The following ITGAL variants were observed in gnomAD, a reference collection of about 807,000 sequenced individuals.
The protein encoded by ITGAL is integrin subunit alpha L, also known as integrin alpha-L.
ITGAL carries 68 observed loss-of-function variants against 138.4 expected under a neutral mutation model. The ratio of observed to expected loss-of-function variants is 0.49; its 90% CI spans 0.40 to 0.60. The LOEUF is 0.60. ITGAL is among the 20% of genes least tolerant of loss of function. The pLI is 0.00. For missense variants in ITGAL, 1,256 were observed against 1,478.6 expected, an observed-to-expected ratio of 0.85 and a Z score of 2.47; for synonymous variants, 561 against 584.3, an observed-to-expected ratio of 0.96 and a Z score of 0.57.
chr16:30,513,875 T>A, intron 25 of ITGAL, 29 bp downstream of exon 25: 1 of 1,502,880 alleles, frequency 6.7e-7, no homozygotes, highest in Non-Finnish European at 9.3e-7. Context: ...AAGGTCCTTA[T>A]AGGTCACACA....
intron 17 of ITGAL, 59 bp from the exon 18 acceptor site, chr16:30,504,116 A>G (rs1289251278): frequency 7.8e-7 from 1 of 1,275,130 alleles, no homozygotes; most frequent in Non-Finnish European, 1.1e-6. Flanking sequence ...GTATACATCT[A>G]ATCGGAAGTG....
chr16:30,502,049 G>A (rs1213333489), intron 17 of ITGAL, among the ~76,000 whole-genome samples: 1 of 151,430 alleles, frequency 6.6e-6, no homozygotes, highest in Non-Finnish European at 1.5e-5. Flanking sequence ...AATAAAGTTT[G>A]AACAACTGTT....
chr16:30,490,909 AC>A (rs2030349781), intron 11 of ITGAL, among the ~76,000 whole-genome samples: 1 of 149,048 alleles, frequency 6.7e-6, no homozygotes, highest in Non-Finnish European at 1.5e-5. Flanking sequence ...GGCGGAAGTT[AC>A]AGTGAGCCGA....
rs775904085 is a variant in ITGAL, at chr16:30,494,550, C to T, written c.1366-163C>T. Among the ~76,000 whole-genome samples, 5 of 152,184 alleles carry T rather than the reference C, an allele frequency of 3.3e-5. No homozygotes were observed. The highest frequency in any genetic ancestry group is 7.3e-5 in the Non-Finnish European group (5 of 68,038). On this transcript the variant is annotated intron_variant, in intron 12 of 30. Transcript: ENST00000356798. This position sits in a 1 kb window ranked among gnomAD's most constrained non-coding sequence, Gnocchi z 4.2. ...CCCTCTCTAGTTTAAGAAACTGAAC[C>T]TCAAAGAGCCCACCTTGTCTTAACG...
chr16:30,507,004 G>T, intron 21 of ITGAL, 148 bp downstream of exon 21: 1 of 825,938 alleles, frequency 1.2e-6, no homozygotes, highest in Non-Finnish European at 1.9e-6. Flanking sequence ...TCCCAGCCTC[G>T]AGCTGTATGA....
chr16:30,510,800 G>A (rs1246553502), intron 22 of ITGAL, 81 bp from the exon 23 acceptor site: 4 of 1,120,268 alleles, frequency 3.6e-6, no homozygotes, highest in Admixed American at 1.7e-5. Context: ...GGGTCCCTGA[G>A]ATGATGGTGA....
At chr16:30,498,321 A>G (rs2151160104) in intron 15 of ITGAL, among the ~76,000 whole-genome samples, 1 of 151,404 alleles carries the variant, frequency 6.6e-6, no homozygotes, top group East Asian at 1.9e-4. Context: ...AATCCCAGCT[A>G]CACAGGAGTC....
At chr16:30,498,362 T>C (rs962943058) in intron 15 of ITGAL, among the ~76,000 whole-genome samples, 3 of 149,826 alleles carry the variant, frequency 2.0e-5, no homozygotes, top group Non-Finnish European at 3.0e-5. Flanking sequence ...AGGCCAGGAG[T>C]GTGAGGATGC....
Position 30,494,156 on chromosome 16 carries a change from G to T in ITGAL, c.1214-56G>T. 1 of 1,486,400 alleles carries T rather than the reference G, an allele frequency of 6.7e-7. No individual in the cohort carries two copies. Among genetic ancestry groups the T allele is most frequent in the Non-Finnish European group, 9.1e-7 (1 of 1,095,078 alleles). 92.1% of individuals were successfully genotyped at this position (1,486,400 alleles called of 1,614,324 possible). ...CTGGGGCCCCTGCCCCTCTCCTGCT[G>T]GGTGTTCTTCCAGCATCCTGTGTTC... On this transcript the variant is annotated intron_variant, in intron 11 of 30. Transcript: ENST00000356798. The surrounding 1 kb of genome is among the most constrained non-coding windows in gnomAD (Gnocchi z 4.2).
intron 21 of ITGAL, among the ~76,000 whole-genome samples, chr16:30,507,735 C>G (rs2051025666): frequency 6.6e-6 from 1 of 152,060 alleles, no homozygotes; most frequent in African/African-American, 2.4e-5. Context: ...GATCTGCCTA[C>G]CTCAGCCTCC....
rs951019496 is a variant in ITGAL at position 30,518,212 on chromosome 16, C to CT, written c.3132+319dup. Among the ~76,000 whole-genome samples, 163 of 152,200 alleles carry CT rather than the reference C, an allele frequency of 1.1e-3. 2 individuals carry two copies. Among genetic ancestry groups the CT allele is most frequent in the African/African-American group, 3.6e-3 (148 of 41,526 alleles). On this transcript the variant is annotated intron_variant, in intron 28 of 30. Transcript: ENST00000356798. Reference sequence around the variant, plus strand: ...CCTATAATCCTAGCACTTCGGGAGGCTTAGGTGGGTGGATCACTTGAGGTC... The same window carrying CT: ...CCTATAATCCTAGCACTTCGGGAGGCTTTAGGTGGGTGGATCACTTGAGGTC...
intron 2 of ITGAL, chr16:30,474,594 C>G (rs1375611012): frequency 5.4e-6 from 2 of 373,634 alleles, no homozygotes; most frequent in African/African-American, 2.1e-5. Flanking sequence ...CTGCGAGCGC[C>G]TGGAAGCCAG....
rs549805364 is a variant in ITGAL at position 30,516,851 on chromosome 16, G to T, written c.2863-122G>T. 1.4e-4 allele frequency: 105 copies of T among 756,920 alleles called. No individual in the cohort carries two copies. In the East Asian group the frequency reaches 2.4e-3, roughly 17 times the overall value. The allele number at this position is 756,920 out of a possible 1,614,324, so 46.9% of individuals were successfully genotyped here. A position where few individuals can be genotyped will look rare whatever the true frequency, so the allele number is the denominator to read the frequency against. ...CCCAGTCACTGGACACTGCCTAACC[G>T]ACAAGGGCCCTGGGGACTCAGCCAA... On this transcript the variant is annotated intron_variant, in intron 25 of 30. Transcript: ENST00000356798.
Position 30,494,350 on chromosome 16 carries a change from T to C in ITGAL, c.1352T>C (p.Ile451Thr). 2 of 1,607,846 alleles carry C rather than the reference T, an allele frequency of 1.2e-6. No homozygotes were observed. Among genetic ancestry groups the C allele is most frequent in the Non-Finnish European group, 1.7e-6 (2 of 1,175,628 alleles). ...GGACACTGGAGCCAGGTCCAGACAA[T>C]CCATGGGACCCAGGTGCGCCCAGTC... ...GGGHWSQVQT[I>T]HGTQIGSYFG... Residue 451 changes from isoleucine (I) to threonine (T), a missense_variant, in exon 12 of 31, where the codon ATC (isoleucine) becomes ACC (threonine). Physicochemically the swap from Ile to Thr is moderately conservative, Grantham distance 89 (BLOSUM62 -1). This residue lies in a region of ITGAL where 867 missense variants were observed against 972.5 expected (regional missense o/e 0.89). Transcript: ENST00000356798. The surrounding 1 kb of genome is among the most constrained non-coding windows in gnomAD (Gnocchi z 4.2).
At position 30,499,327 on chromosome 16, in the gene ITGAL, G is replaced by A. The variant is rs770981986; in HGVS notation, c.1994-11G>A. On this transcript the variant is annotated splice_polypyrimidine_tract_variant and intron_variant, in intron 16 of 30. Transcript: ENST00000356798. ...CCACCATTTAACTCTTGCCTTTTCC[G>A]CCCTGCCCAGGCCGCCTGGTTGCCA... The A allele has an allele frequency of 9.9e-6, 16 of 1,613,896 alleles. No homozygotes were observed. The highest frequency in any genetic ancestry group is 1.3e-5 in the African/African-American group (1 of 74,990).
At chr16:30,481,660 A>C (rs1021997548) in intron 7 of ITGAL, 76 bp downstream of exon 7, 37 of 1,403,930 alleles carry the variant, frequency 2.6e-5, no homozygotes, top group Non-Finnish European at 3.7e-5. Flanking sequence ...GCTGCAGGGC[A>C]TGGGAACTCA....
chr16:30,509,068 T>C (rs994293094), intron 21 of ITGAL, among the ~76,000 whole-genome samples: 7 of 151,554 alleles, frequency 4.6e-5, no homozygotes, highest in African/African-American at 1.7e-4. Flanking sequence ...TCCCAGCTGC[T>C]TGGGAGGCTG....
intron 4 of ITGAL, 87 bp downstream of exon 4, chr16:30,475,667 A>AGAAGAAGAAT: frequency 9.6e-7 from 1 of 1,038,022 alleles, no homozygotes; most frequent in Middle Eastern, 2.0e-4. Context: ...TGTGGATAAA[A>AGAAGAAGAAT]GTTCCCACAG....
At position 30,499,397 on chromosome 16, in the gene ITGAL, C is replaced by T. The variant is rs763816069; in HGVS notation, c.2053C>T (p.Arg685Trp). The change falls in exon 17 of 31, where the codon CGG becomes TGG. Residue 685 changes from arginine (R) to tryptophan (W), a missense_variant. Physicochemically the swap from Arg to Trp is moderately radical, Grantham distance 101 (BLOSUM62 -3). Coordinates refer to ENST00000356798, the MANE Select transcript of ITGAL (RefSeq NM_002209.3). ...LQLDGHRTRR[R>W]GLFPGGRHEL... is the part of the protein sequence containing the mutation. The stretch of plus-strand genomic sequence containing the variant: ...GCTGGATGGCCACCGGACCAGAAGA[C>T]GGGGGTTGTTCCCAGGAGGGAGACA... 10 of 1,614,038 alleles carry T rather than the reference C, an allele frequency of 6.2e-6. No homozygotes were observed. The highest frequency in any genetic ancestry group is 4.5e-5 in the East Asian group (2 of 44,862).
Sources: gnomAD v4.1 joint callset for allele counts (sites outside exome capture counted in the v4.1 genomes callset) on GRCh38, gnomAD v4.1.1 for gene constraint, gnomAD v4.1.1 regional missense constraint, Gnocchi (gnomAD v3.1) non-coding constraint, MANE v1.5 for transcripts, NCBI Gene and HGNC (gene_info 2026-07-23, HGNC 2026-07-21) for gene names.